ADAMTS16: variants seen among roughly 807,000 people sequenced by gnomAD.
ADAMTS16 encodes A disintegrin and metalloproteinase with thrombospondin motifs 16.
A neutral mutation model predicts 145.8 loss-of-function variants in ADAMTS16; 94 were observed. That is an observed-to-expected ratio of 0.64 (90% CI 0.55 to 0.77). The LOEUF is 0.77. ADAMTS16 is among the 30% of genes least tolerant of loss of function. The pLI, the probability that ADAMTS16 is intolerant of heterozygous loss-of-function variation, is 0.00. For synonymous variants in ADAMTS16, 659 were observed against 604.3 expected, an observed-to-expected ratio of 1.09 and a Z score of -1.33; for missense variants, 1,585 against 1,591.5, an observed-to-expected ratio of 1.00 and a Z score of 0.07.
rs1432039369 is a variant in ADAMTS16, at chr5:5,140,526, A to G, written c.59A>G (p.Gln20Arg). The change falls in exon 1 of 23, where the codon CAG (glutamine) becomes CGG (arginine). Residue 20 changes from glutamine to arginine, a missense_variant. Physicochemically the swap from Gln to Arg is conservative, Grantham distance 43. This residue lies in a region of ADAMTS16 where 453 missense variants were observed against 412.1 expected (regional missense o/e 1.10). Transcript: ENST00000274181. ...GLAALWMLLAQVAEQAPACAM... is the reference protein window; with the variant it reads ...GLAALWMLLARVAEQAPACAM... Reference sequence around the variant, plus strand: ...GCGGCGCTGTGGATGCTGTTGGCGCAGGTGGCCGAGCAGGTGAGTCCCGGG... The same window carrying G: ...GCGGCGCTGTGGATGCTGTTGGCGCGGGTGGCCGAGCAGGTGAGTCCCGGG... The G allele has an allele frequency of 6.6e-7, 1 of 1,513,502 alleles. No individual in the cohort carries two copies. Among genetic ancestry groups the G allele is most frequent in the African/African-American group, 1.4e-5 (1 of 69,778 alleles). 93.8% of individuals were successfully genotyped at this position (1,513,502 alleles called of 1,614,324 possible).
intron 3 of ADAMTS16, among the ~76,000 whole-genome samples, chr5:5,178,827 C>T (rs1219948529): frequency 1.3e-5 from 2 of 151,966 alleles, no homozygotes; most frequent in Admixed American, 1.3e-4. Context: ...TGTTGGATCA[C>T]AAGCGTGTAG....
intron 18 of ADAMTS16, among the ~76,000 whole-genome samples, chr5:5,288,562 G>A (rs1259739614): frequency 1.3e-5 from 2 of 152,164 alleles, no homozygotes; most frequent in Admixed American, 1.3e-4. Flanking sequence ...TAATCAGCCA[G>A]AAAGTAGAAA....
intron 18 of ADAMTS16, among the ~76,000 whole-genome samples, chr5:5,274,677 TATATATAC>T (rs774156735): frequency 7.8e-5 from 11 of 141,546 alleles, no homozygotes; most frequent in Non-Finnish European, 1.3e-4. Flanking sequence ...TATATGTGTA[TATATATAC>T]ATATATACAT....
intron 10 of ADAMTS16, among the ~76,000 whole-genome samples, chr5:5,216,091 C>T (rs549777350): frequency 6.6e-6 from 1 of 151,800 alleles, no homozygotes; most frequent in Non-Finnish European, 1.5e-5. Context: ...GGTAGTTCTA[C>T]TTTTAGTTCT....
At chr5:5,233,287 G>A (rs2126371868) in intron 12 of ADAMTS16, among the ~76,000 whole-genome samples, 1 of 152,290 alleles carries the variant, frequency 6.6e-6, no homozygotes, top group South Asian at 2.1e-4. Flanking sequence ...GAATGAATGT[G>A]AGAAGCATCA....
At chr5:5,238,638 A>G (rs1182352508) in intron 14 of ADAMTS16, among the ~76,000 whole-genome samples, 1 of 152,218 alleles carries the variant, frequency 6.6e-6, no homozygotes, top group East Asian at 1.9e-4. Context: ...AAAGTGTAAT[A>G]CAAACAAACA....
chr5:5,145,279 A>T (rs1734263395), intron 2 of ADAMTS16, among the ~76,000 whole-genome samples: 1 of 152,252 alleles, frequency 6.6e-6, no homozygotes, highest in South Asian at 2.1e-4. Context: ...TATATTAAAA[A>T]CATTGCAATA....
At chr5:5,204,461 G>A (rs1736038865) in intron 9 of ADAMTS16, among the ~76,000 whole-genome samples, 1 of 152,050 alleles carries the variant, frequency 6.6e-6, no homozygotes, top group Non-Finnish European at 1.5e-5. Context: ...AGGGACTTTA[G>A]AAGCTGCTTC....
At chr5:5,149,768 A>G (rs1234065888) in intron 3 of ADAMTS16, among the ~76,000 whole-genome samples, 3 of 152,300 alleles carry the variant, frequency 2.0e-5, no homozygotes, top group South Asian at 4.1e-4. Context: ...AGGTTTGCCT[A>G]ATCTGGCCAT....
intron 18 of ADAMTS16, among the ~76,000 whole-genome samples, chr5:5,276,508 G>A (rs1020605833): frequency 6.6e-6 from 1 of 152,218 alleles, no homozygotes. Context: ...TACAAAGAGC[G>A]AAGTGAGCTT....
At chr5:5,155,163 T>G (rs1734569933) in intron 3 of ADAMTS16, among the ~76,000 whole-genome samples, 1 of 152,162 alleles carries the variant, frequency 6.6e-6, no homozygotes, top group African/African-American at 2.4e-5. Flanking sequence ...TTTTTCCTCC[T>G]TAAATGTTAC....
intron 18 of ADAMTS16, among the ~76,000 whole-genome samples, chr5:5,297,206 C>T (rs1739574497): frequency 6.6e-6 from 1 of 152,190 alleles, no homozygotes; most frequent in Admixed American, 6.5e-5. Context: ...TCTGGATGCC[C>T]TTTACCCACG....
intron 3 of ADAMTS16, among the ~76,000 whole-genome samples, chr5:5,168,648 ATTT>A (rs1734957419): frequency 2.1e-5 from 2 of 96,958 alleles, no homozygotes; most frequent in East Asian, 2.2e-4. Flanking sequence ...ATATAATTAT[ATTT>A]ATATATTATA....
At chr5:5,250,691 CCTGT>C (rs1438502772) in intron 17 of ADAMTS16, among the ~76,000 whole-genome samples, 2 of 119,602 alleles carry the variant, frequency 1.7e-5, no homozygotes, top group Admixed American at 8.5e-5. Context: ...GGTTCATCAC[CCTGT>C]CTGTCTCTTC....
Position 5,209,231 on chromosome 5 carries a change from G to T in ADAMTS16, c.1590G>T (p.Met530Ile). ...TCGGAGAGAAAGCCAAGCTCTGCAT[G>T]CTGGACTTTAAAAAGGCAAGTGATT... ...WQFGEKAKLC[M>I]LDFKKDICKA... is the part of the protein sequence containing the mutation. The change falls in exon 10 of 23, where the codon ATG becomes ATT. Residue 530 changes from methionine (M) to isoleucine (I), a missense_variant. This residue lies in a region of ADAMTS16 where 298 missense variants were observed against 367.6 expected (regional missense o/e 0.81). Coordinates refer to ENST00000274181, the MANE Select transcript of ADAMTS16 (RefSeq NM_139056.4). 6.2e-7 allele frequency: 1 copy of T among 1,613,724 alleles called. No individual in the cohort carries two copies. Among genetic ancestry groups the T allele is most frequent in the South Asian group, 1.1e-5 (1 of 90,988 alleles).
At chr5:5,220,244 C>T (rs1736557477) in intron 10 of ADAMTS16, among the ~76,000 whole-genome samples, 1 of 148,502 alleles carries the variant, frequency 6.7e-6, no homozygotes, top group Non-Finnish European at 1.5e-5. Context: ...ACTGCGACCT[C>T]TAACTTCCAG....
At chr5:5,216,716 A>G (rs1255057862) in intron 10 of ADAMTS16, among the ~76,000 whole-genome samples, 3 of 142,194 alleles carry the variant, frequency 2.1e-5, no homozygotes, top group Non-Finnish European at 3.0e-5. Context: ...CTAACTCGTC[A>G]TCTAGCATTA....
At chr5:5,230,585 C>A (rs1224958652) in intron 11 of ADAMTS16, among the ~76,000 whole-genome samples, 2 of 152,118 alleles carry the variant, frequency 1.3e-5, no homozygotes, top group African/African-American at 2.4e-5. Context: ...GGCAGGACTG[C>A]AGGTTTCAAG....
rs752446070 is a variant in ADAMTS16, at chr5:5,318,251, A to G, written c.3529A>G (p.Thr1177Ala). 8.4e-6 allele frequency: 13 copies of G among 1,551,930 alleles called. No homozygotes were observed. The South Asian group carries it at 1.4e-4, about 17-fold the overall frequency. ...QKPSASLACN[T>A]HFCPIAEKKD... Reference sequence around the variant, plus strand: ...GCCTTCGGCCTCCCTGGCCTGCAACACTCACTTCTGCCCCATTGCAGAGAA... The same window carrying G: ...GCCTTCGGCCTCCCTGGCCTGCAACGCTCACTTCTGCCCCATTGCAGAGAA... Residue 1177 changes from threonine (T) to alanine (A), a missense_variant, in exon 22 of 23, where the codon ACT (threonine) becomes GCT (alanine). Around this residue, in one of 3 missense-constraint regions of ADAMTS16, gnomAD observed 834 missense variants for 811.7 expected, o/e 1.03. Coordinates refer to ENST00000274181, the MANE Select transcript of ADAMTS16 (RefSeq NM_139056.4).
Sources: gnomAD v4.1 joint callset for allele counts (sites outside exome capture counted in the v4.1 genomes callset) on GRCh38, gnomAD v4.1.1 for gene constraint, gnomAD v4.1.1 regional missense constraint, MANE v1.5 for transcripts, NCBI Gene and HGNC (gene_info 2026-07-23, HGNC 2026-07-21) for gene names.